The following INPP4B variants were observed in gnomAD, a reference collection of about 807,000 sequenced individuals.
The protein encoded by INPP4B is inositol polyphosphate 4-phosphatase type II.
In INPP4B, 55 loss-of-function variants were observed where a neutral mutation model predicts 122.5. That is an observed-to-expected ratio of 0.45 (90% confidence interval 0.36 to 0.56). INPP4B has a LOEUF of 0.56. Among genes scored for constraint, INPP4B ranks in the 20% least tolerant of loss-of-function variants. The pLI is 0.00. For synonymous variants in INPP4B, 403 were observed against 388.7 expected, an observed-to-expected ratio of 1.04 and a Z score of -0.43; for missense variants, 1,000 against 1,097.7, an observed-to-expected ratio of 0.91 and a Z score of 1.26.
intron 2 of INPP4B, among the ~76,000 whole-genome samples, chr4:142,673,308 T>G (rs888635918): frequency 6.6e-6 from 1 of 152,150 alleles, no homozygotes. Context: ...ATTTTCATTT[T>G]TAAAGTAGAG....
At chr4:142,644,963 ATTAAT>A (rs1751422518) in intron 2 of INPP4B, among the ~76,000 whole-genome samples, 1 of 150,724 alleles carries the variant, frequency 6.6e-6, no homozygotes, top group Admixed American at 6.6e-5. Context: ...AGCTTTATGT[ATTAAT>A]TTATTCTATG....
At chr4:142,340,401 C>CT (rs1778269062) in intron 7 of INPP4B, among the ~76,000 whole-genome samples, 1 of 69,526 alleles carries the variant, frequency 1.4e-5, no homozygotes, top group Admixed American at 1.4e-4. Context: ...GTACTTCTTT[C>CT]TTTTTTTTCT....
chr4:142,310,278 T>C (rs958209207), intron 8 of INPP4B, among the ~76,000 whole-genome samples: 3 of 152,160 alleles, frequency 2.0e-5, no homozygotes, highest in Admixed American at 6.5e-5. Context: ...AAATGCACAC[T>C]GAATTTAGAA....
intron 2 of INPP4B, among the ~76,000 whole-genome samples, chr4:142,466,000 A>G (rs1181063353): frequency 1.3e-5 from 2 of 152,190 alleles, no homozygotes; most frequent in African/African-American, 4.8e-5. Context: ...TCTTTTATTT[A>G]TAAATTACCT....
At chr4:142,139,244 TTAA>T (rs1806415197) in intron 18 of INPP4B, among the ~76,000 whole-genome samples, 1 of 152,218 alleles carries the variant, frequency 6.6e-6, no homozygotes, top group African/African-American at 2.4e-5. Flanking sequence ...TCCATGAGGC[TTAA>T]TGCCTGAACT....
At chr4:142,277,885 CAA>C (rs1743990021) in intron 9 of INPP4B, among the ~76,000 whole-genome samples, 1 of 151,656 alleles carries the variant, frequency 6.6e-6, no homozygotes, top group Admixed American at 6.6e-5. Flanking sequence ...AAGAATGGTA[CAA>C]TGGACTTTAG....
At chr4:142,074,057 T>A (rs1286804282) in intron 25 of INPP4B, among the ~76,000 whole-genome samples, 1 of 152,068 alleles carries the variant, frequency 6.6e-6, no homozygotes, top group Non-Finnish European at 1.5e-5. Flanking sequence ...TGATGCATTC[T>A]CTGTCCAAAC....
intron 2 of INPP4B, among the ~76,000 whole-genome samples, chr4:142,480,862 T>C (rs566310739): frequency 7.2e-5 from 11 of 152,168 alleles, no homozygotes; most frequent in African/African-American, 2.2e-4. Flanking sequence ...AGAAATATCT[T>C]TGGCACAAAA....
chr4:142,707,100 C>T (rs1201375296), intron 2 of INPP4B, among the ~76,000 whole-genome samples: 1 of 150,728 alleles, frequency 6.6e-6, no homozygotes, highest in Admixed American at 6.6e-5. Context: ...GGATCAGCAT[C>T]TTCTTCTACT....
intron 1 of INPP4B, among the ~76,000 whole-genome samples, chr4:142,832,203 C>A (rs1466818672): frequency 2.6e-5 from 4 of 151,956 alleles, no homozygotes. Context: ...GTGTGCCCGA[C>A]GCACATAAAA....
intron 2 of INPP4B, among the ~76,000 whole-genome samples, chr4:142,513,092 CA>C (rs1824947731): frequency 6.6e-6 from 1 of 152,036 alleles, no homozygotes; most frequent in South Asian, 2.1e-4. Context: ...CATAATATGA[CA>C]GGGCACTTCA....
chr4:142,348,779 G>C (rs1781079372), intron 7 of INPP4B, among the ~76,000 whole-genome samples: 3 of 151,982 alleles, frequency 2.0e-5, no homozygotes, highest in African/African-American at 7.2e-5. Flanking sequence ...AAGGTTATCA[G>C]AGCAAAACCT....
At chr4:142,428,313 C>T (rs1404010069) in intron 5 of INPP4B, among the ~76,000 whole-genome samples, 1 of 150,792 alleles carries the variant, frequency 6.6e-6, no homozygotes. Context: ...GATTTTGATA[C>T]TATAATACTA....
At chr4:142,615,448 A>C (rs1181357483) in intron 2 of INPP4B, among the ~76,000 whole-genome samples, 3 of 152,186 alleles carry the variant, frequency 2.0e-5, no homozygotes, top group Non-Finnish European at 4.4e-5. Flanking sequence ...TGGAGTCAGC[A>C]GAAAGGAATG....
At chr4:142,796,637 CAA>C (rs113081682) in intron 1 of INPP4B, among the ~76,000 whole-genome samples, 1 of 151,420 alleles carries the variant, frequency 6.6e-6, no homozygotes, top group African/African-American at 2.4e-5. Flanking sequence ...TATTCTGGCA[CAA>C]AAAAAAGTCT....
At chr4:142,623,872 T>C (rs1360090675) in intron 2 of INPP4B, among the ~76,000 whole-genome samples, 1 of 152,076 alleles carries the variant, frequency 6.6e-6, no homozygotes, top group Non-Finnish European at 1.5e-5. Context: ...TCCAGTTTCA[T>C]CCATGTCCCT....
At chr4:142,321,396 C>T (rs1020352888) in intron 7 of INPP4B, among the ~76,000 whole-genome samples, 2 of 151,902 alleles carry the variant, frequency 1.3e-5, no homozygotes, top group African/African-American at 4.8e-5. Flanking sequence ...CAAAGATTTC[C>T]TCTTTTCTTT....
chr4:142,433,234 A>G (rs1809710195), intron 3 of INPP4B, among the ~76,000 whole-genome samples: 2 of 152,190 alleles, frequency 1.3e-5, no homozygotes, highest in Admixed American at 6.5e-5. Flanking sequence ...GCATTTACCT[A>G]TGGTTATGAT....
rs543910698 is a variant in INPP4B at position 142,653,311 on chromosome 4, G to A, written c.-191+72528C>T. Among the ~76,000 whole-genome samples, 13 of 152,250 alleles carry A rather than the reference G, an allele frequency of 8.5e-5. No individual in the cohort carries two copies. In the East Asian group the frequency reaches 2.5e-3, roughly 29 times the overall value. ...GCAATACCATTCAGAACATAGGCAT[G>A]GGCAAGGACTTCATGACTAAGACAC... is the stretch of plus-strand genomic sequence containing the variant. On this transcript the variant is annotated intron_variant, in intron 2 of 25. Transcript: ENST00000262992.
Sources: allele counts gnomAD v4.1 joint callset (sites outside exome capture counted in the v4.1 genomes callset), GRCh38; gene constraint gnomAD v4.1.1; transcripts MANE v1.5; gene names NCBI Gene and HGNC (gene_info 2026-07-23, HGNC 2026-07-21).